The following TRPA1 variants were observed in gnomAD, a reference collection of about 807,000 sequenced individuals.
The protein encoded by TRPA1 is ankyrin-like with transmembrane domains 1.
TRPA1 carries 129 observed loss-of-function variants against 131.3 expected under a neutral mutation model. The ratio of observed to expected loss-of-function variants is 0.98; its 90% CI spans 0.85 to 1.14. The LOEUF is 1.14. Among genes scored for constraint, TRPA1 ranks in the 50% most tolerant of loss-of-function variants. The probability of loss-of-function intolerance (pLI) is 0.00; values close to 1 mark genes in which losing one functional copy is unlikely to be tolerated. For missense variants in TRPA1, 1,304 were observed against 1,354.2 expected (o/e 0.96, Z 0.58); for synonymous variants, 441 against 451.7 (o/e 0.98, Z 0.30).
chr8:72,055,476 C>T lies in TRPA1; in HGVS notation c.1489G>A (p.Val497Ile), dbSNP rs752698070. 3 of 1,613,056 alleles carry T rather than the reference C, an allele frequency of 1.9e-6. No homozygotes were observed. The highest frequency in any genetic ancestry group is 3.3e-5 in the Admixed American group (2 of 59,922). ...HLAAKNGHDK[V>I]VQLLLKKGAL... ...CCTTTTTTCAGAAGAAGCTGAACTA[C>T]TTTATCATGTCCATTCTTTGCTGCC... The change falls in exon 12 of 27, where the codon GTA (valine) becomes ATA (isoleucine). Residue 497 changes from valine (V) to isoleucine (I), a missense_variant. Transcript: ENST00000262209.
intron 2 of TRPA1, among the ~76,000 whole-genome samples, chr8:72,070,344 T>TACAC (rs780078211): frequency 2.0e-5 from 3 of 152,008 alleles, no homozygotes; most frequent in Non-Finnish European, 4.4e-5. Context: ...CACATGCATG[T>TACAC]ACACACCCAC....
At chr8:72,045,808 G>A (rs13270274) in intron 17 of TRPA1, among the ~76,000 whole-genome samples, 33,937 of 151,718 alleles carry the variant, frequency 0.22, 4,099 homozygotes, top group Middle Eastern at 0.42. Context: ...ACTACAGGGG[G>A]TCAAATGCAT....
chr8:72,084,940 C>T, the TRPA1 span, among the ~76,000 whole-genome samples: 1 of 152,052 alleles, frequency 6.6e-6, no homozygotes, highest in Non-Finnish European at 1.5e-5. Flanking sequence ...CTGACCTCAG[C>T]ACCCGGCCAG....
In TRPA1 at chr8:72,055,118, T is replaced by A. The variant is rs1805629200; in HGVS notation, c.1529+318A>T. On this transcript the variant is annotated intron_variant, in intron 12 of 26. Coordinates refer to ENST00000262209, the MANE Select transcript of TRPA1 (RefSeq NM_007332.3). Reference sequence around the variant, plus strand: ...TCTATATAGGAATATGGCAGCATGATGAGGTAAAATATGAGAAACTATGTT... The same window carrying A: ...TCTATATAGGAATATGGCAGCATGAAGAGGTAAAATATGAGAAACTATGTT... 2.5e-5 allele frequency: 8 copies of A among 325,700 alleles called. No homozygotes were observed. The South Asian group carries it at 2.5e-4, about 10-fold the overall frequency. 20.2% of individuals were successfully genotyped at this position (325,700 alleles called of 1,614,324 possible). A position where few individuals can be genotyped will look rare whatever the true frequency, so the allele number is the denominator to read the frequency against.
rs201810211 is a variant in TRPA1, at chr8:72,036,471, G to A, written c.2386-14C>T. 287 of 1,610,054 alleles carry A rather than the reference G, an allele frequency of 1.8e-4. 1 individual carries two copies. In the Admixed American group the frequency reaches 4.3e-3, roughly 24 times the overall value. The stretch of plus-strand genomic sequence containing the variant: ...ATAATTCCTTTTCTGGGATAGAAAA[G>A]AATAAAAAATTACCACATATAGAGA... On this transcript the variant is annotated splice_polypyrimidine_tract_variant and intron_variant, in intron 20 of 26. Coordinates refer to ENST00000262209, the MANE Select transcript of TRPA1 (RefSeq NM_007332.3).
At chr8:72,043,697 C>T (rs1221624060) in intron 17 of TRPA1, among the ~76,000 whole-genome samples, 1 of 151,762 alleles carries the variant, frequency 6.6e-6, no homozygotes, top group Non-Finnish European at 1.5e-5. Flanking sequence ...CTGTTTTTAG[C>T]TTCCTTGTAT....
chr8:72,044,662 G>A lies in TRPA1; in HGVS notation c.2061+1851C>T, dbSNP rs558279412. On this transcript the variant is annotated intron_variant, in intron 17 of 26. Transcript: ENST00000262209. ...TGAAAATAGCCTCTCACTGGCTCCA[G>A]TTTGTCTTAATCTCAGTGTCTGATT... Among the ~76,000 whole-genome samples, 17 of 152,024 alleles carry A rather than the reference G, an allele frequency of 1.1e-4. No individual in the cohort carries two copies. In the South Asian group the frequency reaches 2.7e-3, roughly 24 times the overall value.
chr8:72,033,654 A>T lies in TRPA1; in HGVS notation c.2858T>A (p.Met953Lys), dbSNP rs1250012968. The T allele has an allele frequency of 3.7e-6, 6 of 1,613,588 alleles. 1 individual carries two copies. In the Admixed American group the frequency reaches 6.7e-5, roughly 18 times the overall value. ...GAAAAAACTACTTACAAGTAAATTC[A>T]TGAGGACAATTGGGACAAATATTGT... ...SFTIFVPIVL[M>K]NLLIGLAVGD... Residue 953 changes from methionine (M) to lysine (K), a missense_variant, in exon 23 of 27, where the codon ATG (methionine) becomes AAG (lysine). Coordinates refer to ENST00000262209, the MANE Select transcript of TRPA1 (RefSeq NM_007332.3).
intron 7 of TRPA1, 55 bp from the exon 8 acceptor site, chr8:72,059,493 A>G: frequency 9.3e-7 from 1 of 1,079,728 alleles, no homozygotes; most frequent in Non-Finnish European, 1.4e-6. Context: ...TGTAAATAAA[A>G]TGTATTTAAT....
chr8:72,041,267 C>T (rs921627024), intron 17 of TRPA1: 1 of 151,904 alleles, frequency 6.6e-6, no homozygotes, highest in African/African-American at 2.4e-5. Flanking sequence ...TAATGGTAGG[C>T]GACTTCACTA....
chr8:72,041,943 A>G (rs1812266499), intron 17 of TRPA1, among the ~76,000 whole-genome samples: 1 of 151,874 alleles, frequency 6.6e-6, no homozygotes, highest in Admixed American at 6.6e-5. Context: ...TTGAAAAGAT[A>G]AACAAAATTA....
At chr8:72,067,612 G>A (rs185367764) in intron 3 of TRPA1, among the ~76,000 whole-genome samples, 4 of 152,046 alleles carry the variant, frequency 2.6e-5, no homozygotes, top group East Asian at 3.9e-4. Flanking sequence ...ACACTTTCAC[G>A]GCCAATATTA....
chr8:72,044,260 A>T (rs1345756541), intron 17 of TRPA1, among the ~76,000 whole-genome samples: 2 of 151,556 alleles, frequency 1.3e-5, no homozygotes, highest in Non-Finnish European at 3.0e-5. Context: ...CCTCATCTAA[A>T]CTTCCACGTA....
chr8:72,029,921 A>G lies in TRPA1; in HGVS notation c.2917T>C (p.Leu973=), dbSNP rs746483197. The part of the protein sequence containing the change: ...DIAEVQKHAS[L]KRIAMQVELH... ...CTTACCTGCATAGCTATCCTCTTCAATGATGCATGTTTCTGGACCTCAGCA... is the reference window on the plus strand; with the variant it reads ...CTTACCTGCATAGCTATCCTCTTCAGTGATGCATGTTTCTGGACCTCAGCA... Residue 973 remains leucine (L), a synonymous_variant, in exon 24 of 27, where the codon TTG becomes CTG. Coordinates refer to ENST00000262209, the MANE Select transcript of TRPA1 (RefSeq NM_007332.3). The G allele has an allele frequency of 9.9e-6, 16 of 1,613,858 alleles. 1 individual carries two copies. The South Asian group carries it at 1.2e-4, about 12-fold the overall frequency.
intron 7 of TRPA1, 73 bp from the exon 8 acceptor site, chr8:72,059,511 C>T (rs1014903791): frequency 3.2e-6 from 3 of 923,388 alleles, no homozygotes; most frequent in East Asian, 2.7e-5. Context: ...AATAAAGCTA[C>T]TATATTCGGA....
intron 20 of TRPA1, among the ~76,000 whole-genome samples, chr8:72,037,076 G>T (rs1049413684): frequency 1.4e-4 from 21 of 151,966 alleles, no homozygotes; most frequent in African/African-American, 4.6e-4. Flanking sequence ...GAAAATAATG[G>T]CAAGAAAGAT....
At chr8:72,063,719 G>A in intron 4 of TRPA1, 148 bp from the exon 5 acceptor site, 3 of 627,536 alleles carry the variant, frequency 4.8e-6, no homozygotes, top group South Asian at 3.6e-5. Flanking sequence ...TGAAATCTAG[G>A]CAAGAAGGTA....
At position 72,053,809 on chromosome 8, in the gene TRPA1, T is replaced by G. The variant is rs1251153625; in HGVS notation, c.1588A>C (p.Met530Leu). ...AAATTAGTATCAAGAATGACCTTCA[T>G]GGTCTGAGTGTACCCGCCCATGGAC... ...HASMGGYTQT[M>L]KVILDTNLKC... Residue 530 changes from methionine to leucine, a missense_variant, in exon 13 of 27, where the codon ATG becomes CTG. Physicochemically the swap from Met to Leu is conservative, Grantham distance 15. Transcript: ENST00000262209. The G allele has an allele frequency of 1.2e-5, 20 of 1,612,432 alleles. No individual in the cohort carries two copies. The highest frequency in any genetic ancestry group is 3.3e-5 in the South Asian group (3 of 90,940).
rs1420999517 is a variant in TRPA1 at position 72,075,455 on chromosome 8, G to A, written c.-46C>T. ...CCTGGTGCAGCTGCTCACCACGCGCGCGGGCACCTGGGGCGAGAGAGCGCT... is the reference window on the plus strand; with the variant it reads ...CCTGGTGCAGCTGCTCACCACGCGCACGGGCACCTGGGGCGAGAGAGCGCT... On this transcript the variant is annotated 5_prime_UTR_variant, in exon 1 of 27. Transcript: ENST00000262209. 1 of 1,494,276 alleles carries A rather than the reference G, an allele frequency of 6.7e-7. No individual in the cohort carries two copies. Among genetic ancestry groups the A allele is most frequent in the African/African-American group, 1.4e-5 (1 of 72,996 alleles). The allele number at this position is 1,494,276 out of a possible 1,614,324, so 92.6% of individuals were successfully genotyped here.
Sources: gnomAD v4.1 joint callset for allele counts (sites outside exome capture counted in the v4.1 genomes callset) on GRCh38, gnomAD v4.1.1 for gene constraint, MANE v1.5 for transcripts, NCBI Gene and HGNC (gene_info 2026-07-23, HGNC 2026-07-21) for gene names.